Variants in SARM1 observed in about 807,000 individuals in gnomAD.
SARM1 encodes NAD(+) hydrolase SARM1.
A neutral mutation model predicts 65.1 loss-of-function variants in SARM1; 60 were observed. The ratio of observed to expected loss-of-function variants is 0.92; its 90% CI spans 0.75 to 1.14. The LOEUF (loss-of-function observed/expected upper bound fraction) is 1.14. Ranked by LOEUF, SARM1 falls within the 50% of genes most tolerant of loss-of-function variation. The pLI, the probability that SARM1 is intolerant of heterozygous loss-of-function variation, is 0.00. For missense variants in SARM1, 913 were observed against 1,015.7 expected, an observed-to-expected ratio of 0.90 and a Z score of 1.37; for synonymous variants, 417 against 465.4, an observed-to-expected ratio of 0.90 and a Z score of 1.34.
In SARM1 at chr17:28,388,539, G is replaced by T. The variant is rs1344370780; in HGVS notation, c.1923G>T (p.Lys641Asn). Residue 641 changes from lysine (K) to asparagine (N), a missense_variant and splice_region_variant, in exon 7 of 9, where the codon AAG becomes AAT. Lys to Asn is a moderately conservative substitution (Grantham distance 94, BLOSUM62 0). Around this residue, in one of 3 missense-constraint regions of SARM1, gnomAD observed 862 missense variants for 952.1 expected, o/e 0.91. Coordinates refer to ENST00000585482, the MANE Select transcript of SARM1 (RefSeq NM_015077.4). ...ATGACTGCAAGGATTGGGTGCATAA[G>T]GTAGGTGCCTGCCTATGCTTCTGCG... is the stretch of plus-strand genomic sequence containing the variant. ...QDHDCKDWVH[K>N]EIVTALSCGK... 2.5e-6 allele frequency: 4 copies of T among 1,612,384 alleles called. No individual in the cohort carries two copies. The African/African-American group carries it at 5.3e-5, about 22-fold the overall frequency.
At position 28,397,999 on chromosome 17, in the gene SARM1, T is replaced by A. The variant is rs2068151878; in HGVS notation, c.*1713T>A. ...CCCTGCCAGAGTCTGTCTTGGCCAG[T>A]GCCAGCCTCGATGCTTTGGTTTTGA... On this transcript the variant is annotated 3_prime_UTR_variant, in exon 9 of 9. Transcript: ENST00000585482. 1 of 152,478 alleles carries A rather than the reference T, an allele frequency of 6.6e-6. No homozygotes were observed. The highest frequency in any genetic ancestry group is 2.4e-5 in the African/African-American group (1 of 41,460). The allele number at this position is 152,478 out of a possible 1,614,324, so 9.4% of individuals were successfully genotyped here.
rs560349226 is a variant in SARM1, at chr17:28,398,884, A to G, written c.*2598A>G. The G allele has an allele frequency of 6.6e-6, 1 of 152,402 alleles. No homozygotes were observed. The highest frequency in any genetic ancestry group is 1.9e-4 in the East Asian group (1 of 5,192). 9.4% of individuals were successfully genotyped at this position (152,402 alleles called of 1,614,324 possible). ...GCTCAAGGTTGCACAGCGAGTCAGTAGAAGCCCTGGCTGGCCCCACTTGGT... is the reference window on the plus strand; with the variant it reads ...GCTCAAGGTTGCACAGCGAGTCAGTGGAAGCCCTGGCTGGCCCCACTTGGT... On this transcript the variant is annotated 3_prime_UTR_variant, in exon 9 of 9. Transcript: ENST00000585482.
chr17:28,383,988 G>T (rs782299420), intron 2 of SARM1, among the ~76,000 whole-genome samples: 2 of 152,102 alleles, frequency 1.3e-5, no homozygotes, highest in Admixed American at 6.5e-5. Flanking sequence ...GTGCATGTGC[G>T]TGTGTGTGTG....
Position 28,399,696 on chromosome 17 carries a change from T to C in SARM1, c.*3410T>C. ...AAACTGCTGGAACTCGAGGTGAGGA[T>C]CAGCCTTTTCCAGCATCCTGTGAGA... On this transcript the variant is annotated 3_prime_UTR_variant, in exon 9 of 9. Coordinates refer to ENST00000585482, the MANE Select transcript of SARM1 (RefSeq NM_015077.4). 2 of 1,613,954 alleles carry C rather than the reference T, an allele frequency of 1.2e-6. No homozygotes were observed. The highest frequency in any genetic ancestry group is 1.7e-6 in the Non-Finnish European group (2 of 1,179,894).
In SARM1 at chr17:28,399,083, G is replaced by A. The variant is rs2068164126; in HGVS notation, c.*2797G>A. On this transcript the variant is annotated 3_prime_UTR_variant, in exon 9 of 9. Transcript: ENST00000585482. ...AATGATTGGCACTCTTCAGCCAGGG[G>A]AGTGGGTAGGCCATAGCCAAGGATC... The A allele has an allele frequency of 6.5e-6, 1 of 152,956 alleles. No individual in the cohort carries two copies. The highest frequency in any genetic ancestry group is 6.5e-5 in the Admixed American group (1 of 15,430). 9.5% of individuals were successfully genotyped at this position (152,956 alleles called of 1,614,324 possible).
In SARM1 at chr17:28,399,431, C is replaced by A; in HGVS notation, c.*3145C>A. ...CCCAAATAGCTCCTCTGCCACCTGTCCTGCAGTGGGCCTGTGTGGGTTATG... is the reference window on the plus strand; with the variant it reads ...CCCAAATAGCTCCTCTGCCACCTGTACTGCAGTGGGCCTGTGTGGGTTATG... On this transcript the variant is annotated 3_prime_UTR_variant, in exon 9 of 9. Coordinates refer to ENST00000585482, the MANE Select transcript of SARM1 (RefSeq NM_015077.4). 1.7e-6 allele frequency: 1 copy of A among 573,238 alleles called. No homozygotes were observed. Among genetic ancestry groups the A allele is most frequent in the Non-Finnish European group, 3.1e-6 (1 of 321,412 alleles). The allele number at this position is 573,238 out of a possible 1,614,324, so 35.5% of individuals were successfully genotyped here.
Position 28,381,699 on chromosome 17 carries a change from G to A in SARM1, c.967G>A (p.Gly323Arg), listed in dbSNP as rs1429193575. ...CGCCAGCGACACAAGCCAGGGCCGCGGGCCCGACGACCTGCAGCGCCTCGT... is the reference window on the plus strand; with the variant it reads ...CGCCAGCGACACAAGCCAGGGCCGCAGGCCCGACGACCTGCAGCGCCTCGT... ...VDASDTSQGRGPDDLQRLVPL... is the reference protein window; with the variant it reads ...VDASDTSQGRRPDDLQRLVPL... Residue 323 changes from glycine (G) to arginine (R), a missense_variant, in exon 2 of 9, where the codon GGG becomes AGG. Around this residue, in one of 3 missense-constraint regions of SARM1, gnomAD observed 862 missense variants for 952.1 expected, o/e 0.91. Transcript: ENST00000585482. 6.4e-7 allele frequency: 1 copy of A among 1,560,200 alleles called. No individual in the cohort carries two copies. The highest frequency in any genetic ancestry group is 2.4e-5 in the East Asian group (1 of 42,000).
intron 5 of SARM1, among the ~76,000 whole-genome samples, chr17:28,387,465 C>A (rs1470264069): frequency 2.0e-5 from 3 of 152,092 alleles, no homozygotes. Flanking sequence ...CTCAAGTGAT[C>A]CACCCACCTT....
In SARM1 at chr17:28,392,338, G is replaced by A. The variant is rs1468918181; in HGVS notation, c.1924-3567G>A. 3.3e-5 allele frequency among the ~76,000 whole-genome samples: 5 copies of A among 151,674 alleles called. No homozygotes were observed. In the South Asian group the frequency reaches 6.3e-4, roughly 19 times the overall value. On this transcript the variant is annotated intron_variant, in intron 7 of 8. Coordinates refer to ENST00000585482, the MANE Select transcript of SARM1 (RefSeq NM_015077.4). Reference sequence around the variant, plus strand: ...TCACCATCTTGGCCAAGATGGTCTCGATCTCCTGACCTCGTGATCCGCCCG... The same window carrying A: ...TCACCATCTTGGCCAAGATGGTCTCAATCTCCTGACCTCGTGATCCGCCCG...
intron 7 of SARM1, chr17:28,395,302 G>C (rs1377908954): frequency 2.0e-5 from 3 of 152,406 alleles, no homozygotes; most frequent in Non-Finnish European, 4.4e-5. Context: ...CTCAAGAATA[G>C]CCAAATGGAA....
chr17:28,399,401 C>A lies in SARM1; in HGVS notation c.*3115C>A. On this transcript the variant is annotated 3_prime_UTR_variant, in exon 9 of 9. Transcript: ENST00000585482. ...GGATAGCAGAAAGGGAGAACTGACT[C>A]CTGTCCCAAATAGCTCCTCTGCCAC... The A allele has an allele frequency of 1.9e-6, 1 of 521,624 alleles. No homozygotes were observed. Among genetic ancestry groups the A allele is most frequent in the Non-Finnish European group, 3.4e-6 (1 of 290,060 alleles). 32.3% of individuals were successfully genotyped at this position (521,624 alleles called of 1,614,324 possible). A position where few individuals can be genotyped will look rare whatever the true frequency, so the allele number is the denominator to read the frequency against.
chr17:28,400,528 G>T lies in SARM1; in HGVS notation c.*4242G>T. 6.5e-7 allele frequency: 1 copy of T among 1,547,058 alleles called. No individual in the cohort carries two copies. Among genetic ancestry groups the T allele is most frequent in the Non-Finnish European group, 8.8e-7 (1 of 1,138,192 alleles). ...GGGTAAGGATTCCAGGAATGAAGCT[G>T]CCATTTCTGGTTGGGAGGAGAAGAG... On this transcript the variant is annotated 3_prime_UTR_variant, in exon 9 of 9. Coordinates refer to ENST00000585482, the MANE Select transcript of SARM1 (RefSeq NM_015077.4).
Position 28,402,140 on chromosome 17 carries a change from G to T in SARM1, c.*5854G>T. The T allele has an allele frequency of 9.6e-7, 1 of 1,043,284 alleles. No homozygotes were observed. The highest frequency in any genetic ancestry group is 1.4e-6 in the Non-Finnish European group (1 of 718,268). 64.6% of individuals were successfully genotyped at this position (1,043,284 alleles called of 1,614,324 possible). On this transcript the variant is annotated 3_prime_UTR_variant, in exon 9 of 9. Coordinates refer to ENST00000585482, the MANE Select transcript of SARM1 (RefSeq NM_015077.4). ...CACTTACTTCTCCAGGGTGAGAGGGGGGAAGGCAAGCTGTTCCCCCAGCCA... is the reference window on the plus strand; with the variant it reads ...CACTTACTTCTCCAGGGTGAGAGGGTGGAAGGCAAGCTGTTCCCCCAGCCA...
At position 28,372,193 on chromosome 17, in the gene SARM1, C is replaced by G; in HGVS notation, c.161C>G (p.Ser54Trp). The G allele has an allele frequency of 7.3e-7, 1 of 1,366,152 alleles. No homozygotes were observed. Among genetic ancestry groups the G allele is most frequent in the Non-Finnish European group, 9.4e-7 (1 of 1,069,070 alleles). The allele number at this position is 1,366,152 out of a possible 1,614,324, so 84.6% of individuals were successfully genotyped here. Reference protein sequence around the residue: ...AAGGRGPREVSPGAGTEVQDA... With the variant: ...AAGGRGPREVWPGAGTEVQDA... ...GGTGGCCGCGGGCCCCGCGAAGTGT[C>G]GCCGGGGGCAGGCACCGAGGTGCAG... Residue 54 changes from serine to tryptophan, a missense_variant, in exon 1 of 9, where the codon TCG becomes TGG. This residue lies in a region of SARM1 where 862 missense variants were observed against 952.1 expected (regional missense o/e 0.91). Transcript: ENST00000585482. This position sits in a 1 kb window ranked among gnomAD's most constrained non-coding sequence, Gnocchi z 5.2.
intron 2 of SARM1, 21 bp downstream of exon 2, chr17:28,381,842 G>C: frequency 7.0e-7 from 1 of 1,422,990 alleles, no homozygotes; most frequent in Non-Finnish European, 9.2e-7. Flanking sequence ...ATGTGGGGTT[G>C]GGTGGATCAG....
chr17:28,388,256 C>T lies in SARM1; in HGVS notation c.1713C>T (p.Asn571=), dbSNP rs150052156. ...TPDVFISYRR[N]SGSQLASLLK... ...ATGTCTTCATCAGCTACCGCCGGAACTCAGGTTCCCAGCTGGCCAGGTGAG... is the reference window on the plus strand; with the variant it reads ...ATGTCTTCATCAGCTACCGCCGGAATTCAGGTTCCCAGCTGGCCAGGTGAG... The change falls in exon 6 of 9, where the codon AAC becomes AAT. Residue 571 remains asparagine, a synonymous_variant. Coordinates refer to ENST00000585482, the MANE Select transcript of SARM1 (RefSeq NM_015077.4). 199 of 1,554,620 alleles carry T rather than the reference C, an allele frequency of 1.3e-4. No homozygotes were observed. In the African/African-American group the frequency reaches 2.4e-3, roughly 19 times the overall value.
At chr17:28,383,495 C>CT (rs2068034524) in intron 2 of SARM1, among the ~76,000 whole-genome samples, 4 of 152,164 alleles carry the variant, frequency 2.6e-5, no homozygotes, top group Admixed American at 2.6e-4. Flanking sequence ...TCAGGGAGGA[C>CT]CTGCTCTACA....
chr17:28,378,788 G>A (rs1196254600), intron 1 of SARM1, among the ~76,000 whole-genome samples: 2 of 152,150 alleles, frequency 1.3e-5, no homozygotes, highest in African/African-American at 2.4e-5. Flanking sequence ...CTCTCAGGTA[G>A]CTGGGACTAC....
At chr17:28,395,000 G>T (rs745424962) in intron 7 of SARM1, 6 of 145,088 alleles carry the variant, frequency 4.1e-5, no homozygotes, top group Non-Finnish European at 9.0e-5. Flanking sequence ...GGTGCCATTT[G>T]GTCTTCCTAA....
Sources: gnomAD v4.1 joint callset for allele counts (sites outside exome capture counted in the v4.1 genomes callset) on GRCh38, gnomAD v4.1.1 for gene constraint, gnomAD v4.1.1 regional missense constraint, Gnocchi (gnomAD v3.1) non-coding constraint, MANE v1.5 for transcripts, NCBI Gene and HGNC (gene_info 2026-07-23, HGNC 2026-07-21) for gene names.